Variants in HFM1 observed in about 807,000 individuals in gnomAD.
HFM1 encodes the protein probable ATP-dependent DNA helicase HFM1.
Under a neutral mutation model 192.1 loss-of-function variants are expected in HFM1, and 169 were observed. That is an observed-to-expected ratio of 0.88 (90% CI 0.78 to 1.00). The LOEUF is 1.00. HFM1 is among the 50% of genes least tolerant of loss of function. The probability of loss-of-function intolerance (pLI) is 0.00; values close to 1 mark genes in which losing one functional copy is unlikely to be tolerated. For synonymous variants in HFM1, 525 were observed against 537.8 expected (o/e 0.98, Z 0.33); for missense variants, 1,661 against 1,668.0 (o/e 1.00, Z 0.07).
chr1:91,309,323 T>C (rs140477418), intron 30 of HFM1, among the ~76,000 whole-genome samples: 1 of 152,354 alleles, frequency 6.6e-6, no homozygotes, highest in Non-Finnish European at 1.5e-5. Flanking sequence ...AGTGTTTATA[T>C]ATTTAGTGCT....
intron 30 of HFM1, among the ~76,000 whole-genome samples, chr1:91,291,633 A>G (rs1301393151): frequency 1.3e-5 from 2 of 152,152 alleles, no homozygotes; most frequent in East Asian, 1.9e-4. Context: ...ACAAGTAGGA[A>G]CTGGTACCAT....
intron 6 of HFM1, among the ~76,000 whole-genome samples, chr1:91,382,616 G>A (rs571875808): frequency 2.6e-5 from 4 of 152,268 alleles, no homozygotes; most frequent in African/African-American, 9.6e-5. Context: ...ATCAGCTTTA[G>A]AAGGAATCTC....
In HFM1 at chr1:91,265,897, G is replaced by T. The variant is rs984696994; in HGVS notation, c.3974+120C>A. On this transcript the variant is annotated intron_variant, in intron 36 of 38. Coordinates refer to ENST00000370425, the MANE Select transcript of HFM1 (RefSeq NM_001017975.6). Reference sequence around the variant, plus strand: ...GAAATACACCTCTAAGATTAAGAGGGTTTAGGTTGGCTAATACCTTTTAGC... The same window carrying T: ...GAAATACACCTCTAAGATTAAGAGGTTTTAGGTTGGCTAATACCTTTTAGC... 3.8e-4 allele frequency: 511 copies of T among 1,336,506 alleles called. 2 individuals carry two copies. Among genetic ancestry groups the T allele is most frequent in the Admixed American group, 1.3e-3 (43 of 32,092 alleles). 82.8% of individuals were successfully genotyped at this position (1,336,506 alleles called of 1,614,324 possible).
At chr1:91,355,857 G>A (rs753600140) in intron 13 of HFM1, among the ~76,000 whole-genome samples, 5 of 152,146 alleles carry the variant, frequency 3.3e-5, no homozygotes, top group Non-Finnish European at 5.9e-5. Context: ...TGTACTTTGA[G>A]TCAAATGGAC....
At chr1:91,400,224 C>T (rs1312340186) in intron 2 of HFM1, among the ~76,000 whole-genome samples, 1 of 152,096 alleles carries the variant, frequency 6.6e-6, no homozygotes, top group Non-Finnish European at 1.5e-5. Flanking sequence ...CCATAAAAGC[C>T]AGTATTTAAC....
intron 30 of HFM1, among the ~76,000 whole-genome samples, chr1:91,308,056 C>A (rs953221077): frequency 6.6e-6 from 1 of 152,116 alleles, no homozygotes; most frequent in Non-Finnish European, 1.5e-5. Flanking sequence ...AGTTTTGCTA[C>A]AATATGTCCA....
chr1:91,384,752 T>C (rs1333295436), intron 6 of HFM1, among the ~76,000 whole-genome samples: 3 of 151,860 alleles, frequency 2.0e-5, no homozygotes, highest in Non-Finnish European at 4.4e-5. Flanking sequence ...TACATCTTTT[T>C]TTTTTTTTTT....
intron 6 of HFM1, among the ~76,000 whole-genome samples, chr1:91,382,027 A>T (rs282029): frequency 1 from 152,019 of 152,200 alleles, 75,919 homozygotes; most frequent in Non-Finnish European, 1. Flanking sequence ...TCTCTCTGAC[A>T]TCATGTCCTA....
intron 13 of HFM1, among the ~76,000 whole-genome samples, chr1:91,368,795 C>T (rs571624160): frequency 3.9e-4 from 60 of 152,242 alleles, no homozygotes; most frequent in African/African-American, 1.3e-3. Context: ...TTAAAAGACA[C>T]AGACTGGCAA....
intron 2 of HFM1, among the ~76,000 whole-genome samples, chr1:91,399,193 A>C (rs1664021900): frequency 6.6e-6 from 1 of 152,182 alleles, no homozygotes; most frequent in Admixed American, 6.5e-5. Context: ...CTTTTCCAAG[A>C]AATCTCCCTA....
At chr1:91,355,945 C>T (rs748833987) in intron 13 of HFM1, among the ~76,000 whole-genome samples, 2 of 152,038 alleles carry the variant, frequency 1.3e-5, no homozygotes, top group Non-Finnish European at 2.9e-5. Flanking sequence ...AAACATTCTA[C>T]AGGACAGATC....
intron 34 of HFM1, among the ~76,000 whole-genome samples, chr1:91,270,093 A>G (rs926796930): frequency 5.9e-5 from 9 of 152,182 alleles, no homozygotes; most frequent in Non-Finnish European, 1.2e-4. Flanking sequence ...ATCACTTTGA[A>G]TATTATGGAT....
Position 91,401,110 on chromosome 1 carries a change from C to T in HFM1, c.-27-1G>A, listed in dbSNP as rs1241794394. Reference sequence around the variant, plus strand: ...TTGAAAACTGGACTTTGTCATAAATCTACAAAATATGGAAAAAGTAGTTTA... The same window carrying T: ...TTGAAAACTGGACTTTGTCATAAATTTACAAAATATGGAAAAAGTAGTTTA... On this transcript the variant is annotated splice_acceptor_variant, in intron 1 of 38. Coordinates refer to ENST00000370425, the MANE Select transcript of HFM1 (RefSeq NM_001017975.6). LOFTEE classifies it low-confidence loss of function (5UTR_SPLICE). 2 of 1,290,572 alleles carry T rather than the reference C, an allele frequency of 1.5e-6. No individual in the cohort carries two copies. The highest frequency in any genetic ancestry group is 2.2e-6 in the Non-Finnish European group (2 of 921,634). The allele number at this position is 1,290,572 out of a possible 1,614,324, so 79.9% of individuals were successfully genotyped here.
At position 91,286,828 on chromosome 1, in the gene HFM1, C is replaced by T. The variant is rs146288572; in HGVS notation, c.3392-9766G>A. Among the ~76,000 whole-genome samples, 316 of 152,292 alleles carry T rather than the reference C, an allele frequency of 2.1e-3. 5 individuals are homozygous for T. In the East Asian group the frequency reaches 0.052, roughly 25 times the overall value. ...GCACCGTGCGCCAGCCGAAGCAAGG[C>T]GAGGCGTTGCCTCACTCGGGAAGCG... On this transcript the variant is annotated intron_variant, in intron 30 of 38. Coordinates refer to ENST00000370425, the MANE Select transcript of HFM1 (RefSeq NM_001017975.6).
At chr1:91,305,425 GC>G (rs547031327) in intron 30 of HFM1, among the ~76,000 whole-genome samples, 9 of 151,832 alleles carry the variant, frequency 5.9e-5, no homozygotes, top group African/African-American at 2.2e-4. Context: ...TCTTTTTGAT[GC>G]TATTGTACAA....
chr1:91,281,119 CAG>C (rs1391314064), intron 30 of HFM1, among the ~76,000 whole-genome samples: 1 of 152,128 alleles, frequency 6.6e-6, no homozygotes, highest in African/African-American at 2.4e-5. Flanking sequence ...TGAGATAAGA[CAG>C]AAAGGATGCA....
intron 30 of HFM1, among the ~76,000 whole-genome samples, chr1:91,286,034 G>T (rs902156058): frequency 6.6e-6 from 1 of 152,152 alleles, no homozygotes; most frequent in Non-Finnish European, 1.5e-5. Flanking sequence ...CTGGCAATTT[G>T]GATGTGCCAA....
At chr1:91,366,022 G>C (rs529440485) in intron 13 of HFM1, among the ~76,000 whole-genome samples, 1 of 150,308 alleles carries the variant, frequency 6.7e-6, no homozygotes, top group Admixed American at 6.6e-5. Context: ...AAGGGGCAAA[G>C]ACTGAAGAAA....
intron 1 of HFM1, among the ~76,000 whole-genome samples, chr1:91,401,426 A>G (rs1664295794): frequency 6.6e-6 from 1 of 152,186 alleles, no homozygotes; most frequent in Non-Finnish European, 1.5e-5. Flanking sequence ...TTCTTCTTCA[A>G]AGGCTTTTCT....
Sources: allele counts gnomAD v4.1 joint callset (sites outside exome capture counted in the v4.1 genomes callset), GRCh38; gene constraint gnomAD v4.1.1; transcripts MANE v1.5; gene names NCBI Gene and HGNC (gene_info 2026-07-23, HGNC 2026-07-21).